MMP9: variants seen among roughly 807,000 people sequenced by gnomAD.
The protein encoded by MMP9 is matrix metallopeptidase 9.
In MMP9, 73 loss-of-function variants were observed where a neutral mutation model predicts 76.4. The ratio of observed to expected loss-of-function variants is 0.96; its 90% confidence interval spans 0.79 to 1.16. MMP9 has a LOEUF of 1.16. MMP9 is among the 50% of genes most tolerant of loss of function. MMP9 has a pLI of 0.00. For synonymous variants in MMP9, 412 were observed against 408.4 expected (o/e 1.01, Z -0.11); for missense variants, 943 against 973.0 (o/e 0.97, Z 0.41).
At chr20:46,015,810 C>A (rs1379707119) in intron 12 of MMP9, among the ~76,000 whole-genome samples, 2 of 152,212 alleles carry the variant, frequency 1.3e-5, no homozygotes, top group Non-Finnish European at 2.9e-5. Context: ...TTGTCTCTTG[C>A]CTCACTAGAG....
At position 46,013,614 on chromosome 20, in the gene MMP9, G is replaced by C. The variant is rs1203483886; in HGVS notation, c.1611-43G>C. On this transcript the variant is annotated intron_variant, in intron 9 of 12. Coordinates refer to ENST00000372330, the MANE Select transcript of MMP9 (RefSeq NM_004994.3). The surrounding 1 kb of genome is among the most constrained non-coding windows in gnomAD (Gnocchi z 4.5). ...GTCCCTTCCCGCCCACTGGCCCTGTGTCCAAGGCTTAGAGCCCGTCCTTTC... is the reference window on the plus strand; with the variant it reads ...GTCCCTTCCCGCCCACTGGCCCTGTCTCCAAGGCTTAGAGCCCGTCCTTTC... 6.2e-7 allele frequency: 1 copy of C among 1,613,582 alleles called. No homozygotes were observed. Among genetic ancestry groups the C allele is most frequent in the East Asian group, 2.2e-5 (1 of 44,880 alleles).
At chr20:46,014,550 G>A (rs2145457101) in intron 12 of MMP9, 76 bp downstream of exon 12, 3 of 1,413,288 alleles carry the variant, frequency 2.1e-6, no homozygotes, top group Non-Finnish European at 2.9e-6. Context: ...TCTGAGCGAG[G>A]AAGAAAAAGC....
At chr20:46,010,321 CAAA>C (rs58031394) in intron 2 of MMP9, among the ~76,000 whole-genome samples, 159 bp from the exon 3 acceptor site, 2 of 62,502 alleles carry the variant, frequency 3.2e-5, no homozygotes, top group Non-Finnish European at 5.5e-5. Context: ...TCTAAGTAGA[CAAA>C]AAAAAAAAAA....
rs1286895514 is a variant in MMP9, at chr20:46,012,005, TC to T, written c.998-131del. 4.0e-6 allele frequency: 5 copies of T among 1,263,424 alleles called. No homozygotes were observed. The African/African-American group carries it at 7.4e-5, about 19-fold the overall frequency. The allele number at this position is 1,263,424 out of a possible 1,614,324, so 78.3% of individuals were successfully genotyped here. On this transcript the variant is annotated intron_variant, in intron 6 of 12. Transcript: ENST00000372330. ...TGGTGTCCCAGGCACCGCCCACGGG[TC>T]TAGCCTCTTCTCAGGAGTGCTCTAC... is the stretch of plus-strand genomic sequence containing the variant.
chr20:46,016,102 C>T, intron 12 of MMP9, 148 bp from the exon 13 acceptor site: 1 of 806,536 alleles, frequency 1.2e-6, no homozygotes, highest in South Asian at 1.4e-5. Flanking sequence ...CTCACAGCAT[C>T]TCACAGGTTG....
In MMP9 at chr20:46,016,219, C is replaced by T. The variant is rs1477354910; in HGVS notation, c.2006-31C>T. 2.6e-6 allele frequency: 4 copies of T among 1,556,436 alleles called. No individual in the cohort carries two copies. The South Asian group carries it at 4.4e-5, about 17-fold the overall frequency. Reference sequence around the variant, plus strand: ...TCTGTATATGTGGGAGAATTAGAATCACTCCTCTTATGCCTGCCTGTCTCC... The same window carrying T: ...TCTGTATATGTGGGAGAATTAGAATTACTCCTCTTATGCCTGCCTGTCTCC... On this transcript the variant is annotated intron_variant, in intron 12 of 12. Transcript: ENST00000372330.
At chr20:46,016,130 T>C in intron 12 of MMP9, 120 bp from the exon 13 acceptor site, 7 of 977,886 alleles carry the variant, frequency 7.2e-6, no homozygotes, top group South Asian at 1.3e-5. Flanking sequence ...GGAGGTGATA[T>C]GTGAAAACCT....
At chr20:46,012,680 G>A (rs757728864) in intron 8 of MMP9, 98 bp downstream of exon 8, 22 of 1,528,756 alleles carry the variant, frequency 1.4e-5, no homozygotes, top group Non-Finnish European at 1.9e-5. Context: ...GGAACGGGGC[G>A]TGCAGGAGAG....
chr20:46,012,638 T>G lies in MMP9; in HGVS notation c.1330+56T>G, dbSNP rs28763887. On this transcript the variant is annotated intron_variant, in intron 8 of 12. Coordinates refer to ENST00000372330, the MANE Select transcript of MMP9 (RefSeq NM_004994.3). ...GGGAAAGGGCGTGGCTGTGCCACAG[T>G]ACCAAAGAATTGGGGGTTGGGGATC... 8.9e-4 allele frequency: 1,304 copies of G among 1,467,976 alleles called. 13 individuals are homozygous for G. In the African/African-American group the frequency reaches 0.016, roughly 18 times the overall value. The allele number at this position is 1,467,976 out of a possible 1,614,324, so 90.9% of individuals were successfully genotyped here.
In MMP9 at chr20:46,008,926, C is replaced by T. The variant is rs2084257944; in HGVS notation, c.-1C>T. On this transcript the variant is annotated 5_prime_UTR_variant, in exon 1 of 13. Coordinates refer to ENST00000372330, the MANE Select transcript of MMP9 (RefSeq NM_004994.3). ...TGCAGTCAGACACCTCTGCCCTCACCATGAGCCTCTGGCAGCCCCTGGTCC... is the reference window on the plus strand; with the variant it reads ...TGCAGTCAGACACCTCTGCCCTCACTATGAGCCTCTGGCAGCCCCTGGTCC... 6.2e-7 allele frequency: 1 copy of T among 1,613,376 alleles called. No homozygotes were observed. Among genetic ancestry groups the T allele is most frequent in the East Asian group, 2.2e-5 (1 of 44,878 alleles).
chr20:46,010,858 G>C (rs2084273977), intron 3 of MMP9, 64 bp from the exon 4 acceptor site: 1 of 1,613,138 alleles, frequency 6.2e-7, no homozygotes, highest in Non-Finnish European at 8.5e-7. Flanking sequence ...CCCTTGCCTT[G>C]GGCAGCGCAC....
chr20:46,016,224 C>T (rs761900034), intron 12 of MMP9, 26 bp from the exon 13 acceptor site: 14 of 1,586,772 alleles, frequency 8.8e-6, no homozygotes, highest in African/African-American at 5.4e-5. Context: ...AGAATCACTC[C>T]TCTTATGCCT....
intron 8 of MMP9, 64 bp downstream of exon 8, chr20:46,012,646 A>C: frequency 1.3e-6 from 2 of 1,570,824 alleles, no homozygotes; most frequent in Non-Finnish European, 1.7e-6. Context: ...AGTACCAAAG[A>C]ATTGGGGGTT....
At chr20:46,011,816 C>T in intron 6 of MMP9, 69 bp downstream of exon 6, 8 of 1,530,870 alleles carry the variant, frequency 5.2e-6, no homozygotes, top group Non-Finnish European at 7.0e-6. Context: ...AAACGCGGCT[C>T]TTCCCTCCCA....
chr20:46,009,765 A>AAAAG, intron 1 of MMP9, 101 bp from the exon 2 acceptor site: 2 of 1,046,636 alleles, frequency 1.9e-6, no homozygotes, highest in Admixed American at 4.1e-5. Context: ...AAGAAAAAGA[A>AAAAG]AAAAGACTCC....
Position 46,010,770 on chromosome 20 carries a change from CAG to C in MMP9, c.520+141_520+142del, listed in dbSNP as rs1332254991. 1.9e-6 allele frequency: 3 copies of C among 1,549,506 alleles called. No homozygotes were observed. The African/African-American group carries it at 4.1e-5, about 21-fold the overall frequency. ...CCCTGGCTTATACGGCCCCTCCTGC[CAG>C]ACAGTGCACAGGGCCAGGGCGCCAG... On this transcript the variant is annotated intron_variant, in intron 3 of 12. Transcript: ENST00000372330.
chr20:46,010,331 A>AAAAAAAAAAAC, intron 2 of MMP9, 152 bp from the exon 3 acceptor site: 2 of 762,252 alleles, frequency 2.6e-6, no homozygotes, highest in Non-Finnish European at 4.1e-6. Flanking sequence ...CAAAAAAAAA[A>AAAAAAAAAAAC]AAAAAAAAAA....
At chr20:46,014,677 C>T (rs975537758) in intron 12 of MMP9, 7 of 629,830 alleles carry the variant, frequency 1.1e-5, no homozygotes, top group Non-Finnish European at 2.0e-5. Flanking sequence ...AGATTTCCTG[C>T]CTCCCCGGCT....
At position 46,014,120 on chromosome 20, in the gene MMP9, G is replaced by C. The variant is rs1177361824; in HGVS notation, c.1751-4G>C. ...CAAACCGACGTGACCCTCCTCCCCT[G>C]CAGGGCGCCAGGTGTGGGTGTACAC... On this transcript the variant is annotated splice_region_variant and splice_polypyrimidine_tract_variant and intron_variant, in intron 10 of 12. Transcript: ENST00000372330. 1.3e-6 allele frequency: 2 copies of C among 1,535,020 alleles called. No homozygotes were observed. Among genetic ancestry groups the C allele is most frequent in the East Asian group, 2.4e-5 (1 of 40,914 alleles).
Sources: allele counts gnomAD v4.1 joint callset (sites outside exome capture counted in the v4.1 genomes callset), GRCh38; gene constraint gnomAD v4.1.1; non-coding constraint Gnocchi (gnomAD v3.1); transcripts MANE v1.5; gene names NCBI Gene and HGNC (gene_info 2026-07-23, HGNC 2026-07-21).